PRUNE2: variants seen among roughly 807,000 people sequenced by gnomAD.
PRUNE2 encodes prune homolog 2 with BCH domain, also known as protein prune homolog 2.
Under a neutral mutation model 252.0 loss-of-function variants are expected in PRUNE2, and 164 were observed. The observed-to-expected ratio is 0.65, with a 90% confidence interval of 0.57 to 0.74. The LOEUF is 0.74. Ranked by LOEUF, PRUNE2 falls within the 30% of genes least tolerant of loss-of-function variation. The pLI is 0.00. For missense variants in PRUNE2, 3,495 were observed against 3,711.0 expected (o/e 0.94, Z 1.51); for synonymous variants, 1,292 against 1,350.2 (o/e 0.96, Z 0.94).
Position 76,638,297 on chromosome 9 carries a change from CA to C in PRUNE2, c.8729-10del. 1 of 1,595,864 alleles carries C rather than the reference CA, an allele frequency of 6.3e-7. No homozygotes were observed. Among genetic ancestry groups the C allele is most frequent in the African/African-American group, 1.3e-5 (1 of 74,662 alleles). ...ACCGTCCCCATAGTATCCTGGGGGA[CA>C]AACAAAAAGACACTTGTAACCAATT... On this transcript the variant is annotated splice_polypyrimidine_tract_variant and intron_variant, in intron 12 of 18. Transcript: ENST00000376718.
intron 1 of PRUNE2, among the ~76,000 whole-genome samples, chr9:76,898,136 T>TG (rs1430964942): frequency 2.6e-5 from 4 of 152,216 alleles, no homozygotes; most frequent in African/African-American, 9.6e-5. Context: ...AATCAGGCAC[T>TG]GGCTCCACAT....
At chr9:76,807,020 ATGTG>A (rs1554779764) in intron 6 of PRUNE2, among the ~76,000 whole-genome samples, 8,460 of 140,378 alleles carry the variant, frequency 0.06, 236 homozygotes, top group African/African-American at 0.067. Context: ...ACCTCATACA[ATGTG>A]TGTGTGTGTG....
intron 6 of PRUNE2, 25 bp downstream of exon 6, chr9:76,823,607 G>A: frequency 2.2e-6 from 3 of 1,354,024 alleles, no homozygotes; most frequent in Non-Finnish European, 3.2e-6. Flanking sequence ...ATCAATCAAT[G>A]CTAAAAAAGC....
At chr9:76,837,782 T>C (rs1045021689) in intron 4 of PRUNE2, among the ~76,000 whole-genome samples, 1 of 151,400 alleles carries the variant, frequency 6.6e-6, no homozygotes, top group Non-Finnish European at 1.5e-5. Flanking sequence ...TATTTTTTTT[T>C]TTTTTTTGAG....
intron 6 of PRUNE2, among the ~76,000 whole-genome samples, chr9:76,725,703 C>T (rs182080586): frequency 1.3e-5 from 2 of 152,338 alleles, no homozygotes; most frequent in East Asian, 3.9e-4. Flanking sequence ...TTGGAGCACA[C>T]ATGCAGAGCC....
chr9:76,794,613 C>CAAAAA (rs11358425), intron 6 of PRUNE2, among the ~76,000 whole-genome samples: 10 of 67,496 alleles, frequency 1.5e-4, no homozygotes, highest in Admixed American at 1.7e-4. Context: ...GACTCTGTCT[C>CAAAAA]AAAAAAAAAA....
intron 1 of PRUNE2, among the ~76,000 whole-genome samples, chr9:76,899,866 C>G (rs1162788759): frequency 6.6e-6 from 1 of 152,140 alleles, no homozygotes; most frequent in African/African-American, 2.4e-5. Context: ...CCAAGGAGAG[C>G]TGGAGGAAAA....
Position 76,708,848 on chromosome 9 carries a change from A to C in PRUNE2, c.3426T>G (p.Ser1142Arg). The change falls in exon 8 of 19, where the codon AGT becomes AGG. Residue 1142 changes from serine to arginine, a missense_variant. Transcript: ENST00000376718. The part of the protein sequence containing the change: ...MDNDLDWDDC[S>R]GGAAIPSDGQ... ...CATCACTGGGGATTGCCGCACCCCC[A>C]CTGCAGTCATCCCAGTCCAAATCAT... The C allele has an allele frequency of 6.2e-7, 1 of 1,613,774 alleles. No homozygotes were observed. The highest frequency in any genetic ancestry group is 2.2e-5 in the East Asian group (1 of 44,850).
chr9:76,807,051 T>TGTGTGTGTGCGCGCGC (rs60768420), intron 6 of PRUNE2, among the ~76,000 whole-genome samples: 18 of 139,338 alleles, frequency 1.3e-4, no homozygotes, highest in African/African-American at 4.7e-4. Context: ...TGTGTGTGTG[T>TGTGTGTGTGCGCGCGC]GCGCGCGCGC....
chr9:76,897,300 A>AT (rs2062879423), intron 1 of PRUNE2, among the ~76,000 whole-genome samples: 1 of 144,838 alleles, frequency 6.9e-6, no homozygotes, highest in Admixed American at 6.9e-5. Flanking sequence ...TGCTTATGGT[A>AT]TGAGGAAGAA....
rs981818777 is a variant in PRUNE2, at chr9:76,706,750, T to C, written c.5524A>G (p.Ser1842Gly). 3.7e-6 allele frequency: 6 copies of C among 1,612,296 alleles called. No homozygotes were observed. The African/African-American group carries it at 8.0e-5, about 22-fold the overall frequency. Reference protein sequence around the residue: ...ASPQEGRLIESPFERELSDSS... With the variant: ...ASPQEGRLIEGPFERELSDSS... ...TCAGACAGCTCCCTTTCAAATGGAC[T>C]TTCAATTAGTCTCCCTTCCTGGGGT... Residue 1842 changes from serine to glycine, a missense_variant, in exon 8 of 19, where the codon AGT (serine) becomes GGT (glycine). Physicochemically the swap from Ser to Gly is moderately conservative, Grantham distance 56 (BLOSUM62 0). Transcript: ENST00000376718.
At chr9:76,868,837 T>TGGGGGGGGGGGGGGGG (rs111357062) in intron 1 of PRUNE2, 6 of 77,090 alleles carry the variant, frequency 7.8e-5, no homozygotes, top group Non-Finnish European at 1.1e-4. Flanking sequence ...CCTTGGGGGG[T>TGGGGGGGGGGGGGGGG]GGGGGGGGGG....
At chr9:76,874,721 T>C (rs986056387) in intron 1 of PRUNE2, among the ~76,000 whole-genome samples, 6 of 151,982 alleles carry the variant, frequency 3.9e-5, no homozygotes, top group Admixed American at 1.3e-4. Flanking sequence ...TGCTAGGAAA[T>C]ACAGGCTCAA....
intron 18 of PRUNE2, 148 bp from the exon 19 acceptor site, chr9:76,614,748 T>G: frequency 1.6e-6 from 1 of 639,960 alleles, no homozygotes; most frequent in Non-Finnish European, 2.6e-6. Context: ...TAGAAAAATC[T>G]GGTAAAACCC....
intron 9 of PRUNE2, among the ~76,000 whole-genome samples, chr9:76,685,563 G>A (rs1285706262): frequency 6.6e-6 from 1 of 152,152 alleles, no homozygotes; most frequent in Non-Finnish European, 1.5e-5. Flanking sequence ...AATATGAATG[G>A]CATCCTTATA....
chr9:76,673,797 C>A (rs1243148663), intron 9 of PRUNE2, among the ~76,000 whole-genome samples: 1 of 151,218 alleles, frequency 6.6e-6, no homozygotes, highest in Non-Finnish European at 1.5e-5. Flanking sequence ...GAACCAAAGA[C>A]AAAAACCACA....
In PRUNE2 at chr9:76,816,487, A is replaced by G. The variant is rs529570908; in HGVS notation, c.756+7145T>C. ...TTTTATCCTGCTAATGTCCTCAAGA[A>G]GCTAGGAATTATCCGTTCTAAATTA... On this transcript the variant is annotated intron_variant, in intron 6 of 18. Transcript: ENST00000376718. Among the ~76,000 whole-genome samples the G allele has an allele frequency of 5.3e-5, 8 of 152,328 alleles. No individual in the cohort carries two copies. The East Asian group carries it at 1.5e-3, about 29-fold the overall frequency.
chr9:76,619,248 G>A lies in PRUNE2; in HGVS notation c.9236+92C>T. On this transcript the variant is annotated intron_variant, in intron 18 of 18. Coordinates refer to ENST00000376718, the MANE Select transcript of PRUNE2 (RefSeq NM_015225.3). Reference sequence around the variant, plus strand: ...ACAGGAAAGCTGAACATCTAAACAGGGTTTACCCAGTCCTCAGTGTGTTTT... The same window carrying A: ...ACAGGAAAGCTGAACATCTAAACAGAGTTTACCCAGTCCTCAGTGTGTTTT... 1.7e-5 allele frequency: 14 copies of A among 829,910 alleles called. No homozygotes were observed. The South Asian group carries it at 2.1e-4, about 12-fold the overall frequency. 51.4% of individuals were successfully genotyped at this position (829,910 alleles called of 1,614,324 possible).
chr9:76,752,073 G>A (rs547366343), intron 6 of PRUNE2, among the ~76,000 whole-genome samples: 2 of 146,820 alleles, frequency 1.4e-5, no homozygotes, highest in South Asian at 2.2e-4. Flanking sequence ...ATCAACGACT[G>A]ACTCAATTCC....
Sources: gnomAD v4.1 joint callset for allele counts (sites outside exome capture counted in the v4.1 genomes callset) on GRCh38, gnomAD v4.1.1 for gene constraint, MANE v1.5 for transcripts, NCBI Gene and HGNC (gene_info 2026-07-23, HGNC 2026-07-21) for gene names.